The following PTPRD variants were observed in gnomAD, a reference collection of about 807,000 sequenced individuals.
PTPRD encodes the protein protein tyrosine phosphatase receptor type D, also known as receptor-type tyrosine-protein phosphatase delta.
PTPRD carries 34 observed loss-of-function variants against 214.5 expected under a neutral mutation model. That is an observed-to-expected ratio of 0.16 (90% CI 0.12 to 0.21). PTPRD has a LOEUF of 0.21. Among genes scored for constraint, PTPRD ranks in the 10% least tolerant of loss-of-function variants. PTPRD has a pLI of 1.00. For synonymous variants in PTPRD, 1,128 were observed against 845.7 expected, an observed-to-expected ratio of 1.33 and a Z score of -5.79; for missense variants, 2,545 against 2,398.7, an observed-to-expected ratio of 1.06 and a Z score of -1.27.
intron 3 of PTPRD, among the ~76,000 whole-genome samples, chr9:10,114,007 A>T (rs2098711547): frequency 6.6e-6 from 1 of 152,236 alleles, no homozygotes; most frequent in Admixed American, 6.5e-5. Context: ...TGAAAGGACA[A>T]GGACAGTTAT....
chr9:9,963,145 T>C, intron 4 of PTPRD, among the ~76,000 whole-genome samples: 1 of 152,134 alleles, frequency 6.6e-6, no homozygotes, highest in East Asian at 1.9e-4. Flanking sequence ...TAATGTCTTC[T>C]TCCATTTTAA....
intron 11 of PTPRD, among the ~76,000 whole-genome samples, chr9:8,767,357 T>C (rs1284759434): frequency 6.6e-6 from 1 of 152,118 alleles, no homozygotes; most frequent in Non-Finnish European, 1.5e-5. Flanking sequence ...CCTCAAGTGA[T>C]CCACCCGCCT....
chr9:9,050,186 A>G (rs1319585925), intron 10 of PTPRD, among the ~76,000 whole-genome samples: 1 of 152,260 alleles, frequency 6.6e-6, no homozygotes, highest in Non-Finnish European at 1.5e-5. Flanking sequence ...ATGACAAAAT[A>G]CATTAGAATA....
chr9:8,446,549 G>T (rs2095736285), intron 34 of PTPRD, among the ~76,000 whole-genome samples: 1 of 152,072 alleles, frequency 6.6e-6, no homozygotes. Context: ...ACTAGGTACT[G>T]GTTATATAAA....
At chr9:9,931,519 G>A (rs569737482) in intron 5 of PTPRD, among the ~76,000 whole-genome samples, 29 of 152,274 alleles carry the variant, frequency 1.9e-4, no homozygotes, top group African/African-American at 2.4e-4. Flanking sequence ...CTTTTCCGAC[G>A]GGCTTAAAAA....
chr9:10,529,915 G>A lies in PTPRD; in HGVS notation c.-600+82483C>T, dbSNP rs192726217. ...ACTGGGGCCTGTCTTGGGGTGGGGGGCAAGAGAAGGGAGAGCATTAAGACA... is the reference window on the plus strand; with the variant it reads ...ACTGGGGCCTGTCTTGGGGTGGGGGACAAGAGAAGGGAGAGCATTAAGACA... On this transcript the variant is annotated intron_variant, in intron 2 of 45. Coordinates refer to ENST00000381196, the MANE Select transcript of PTPRD (RefSeq NM_002839.4). 2.6e-5 allele frequency among the ~76,000 whole-genome samples: 4 copies of A among 151,786 alleles called. No homozygotes were observed. The South Asian group carries it at 8.3e-4, about 32-fold the overall frequency.
intron 36 of PTPRD, among the ~76,000 whole-genome samples, chr9:8,390,990 AAGTTT>A (rs1316280286): frequency 6.6e-6 from 1 of 152,182 alleles, no homozygotes; most frequent in East Asian, 1.9e-4. Flanking sequence ...AAAGGGAGTT[AAGTTT>A]CCTTGGAAGG....
intron 7 of PTPRD, among the ~76,000 whole-genome samples, chr9:9,712,237 G>T (rs796457472): frequency 2.6e-5 from 4 of 151,978 alleles, no homozygotes; most frequent in African/African-American, 9.7e-5. Context: ...GACTGAGAAA[G>T]AAAATAATAA....
intron 5 of PTPRD, among the ~76,000 whole-genome samples, chr9:9,870,645 A>T (rs73400645): frequency 6.6e-6 from 1 of 152,054 alleles, no homozygotes; most frequent in African/African-American, 2.4e-5. Context: ...CTTGGTTTTG[A>T]TAATGCTATT....
At chr9:9,415,796 C>G (rs555324251) in intron 8 of PTPRD, among the ~76,000 whole-genome samples, 1 of 152,196 alleles carries the variant, frequency 6.6e-6, no homozygotes, top group African/African-American at 2.4e-5. Context: ...GTGAAAGATA[C>G]AAGTGTTTAG....
At chr9:8,793,695 A>T (rs531578693) in intron 11 of PTPRD, among the ~76,000 whole-genome samples, 11 of 152,346 alleles carry the variant, frequency 7.2e-5, no homozygotes, top group African/African-American at 2.4e-4. Context: ...TCTGTTAGAC[A>T]TCATTTTTAA....
chr9:8,520,682 T>C (rs1188373934), intron 20 of PTPRD, among the ~76,000 whole-genome samples: 1 of 152,136 alleles, frequency 6.6e-6, no homozygotes, highest in Admixed American at 6.6e-5. Flanking sequence ...TATAGTACTT[T>C]GGTTATATTT....
intron 35 of PTPRD, among the ~76,000 whole-genome samples, chr9:8,408,208 A>AGG (rs1420348848): frequency 3.5e-4 from 54 of 152,346 alleles, no homozygotes; most frequent in African/African-American, 1.3e-3. Context: ...ATTTTCGGTC[A>AGG]GTCCACCCTG....
chr9:10,519,257 C>CTAAA, intron 2 of PTPRD, among the ~76,000 whole-genome samples: 1 of 71,442 alleles, frequency 1.4e-5, no homozygotes, highest in Non-Finnish European at 2.4e-5. Context: ...ATTTCCTCCA[C>CTAAA]AAAAAAAAAA....
At chr9:10,184,034 A>T (rs1011052283) in intron 3 of PTPRD, among the ~76,000 whole-genome samples, 1 of 152,192 alleles carries the variant, frequency 6.6e-6, no homozygotes, top group Non-Finnish European at 1.5e-5. Context: ...CTTAGATCTA[A>T]AGGTATTTTT....
At chr9:9,059,573 C>T (rs954015442) in intron 10 of PTPRD, among the ~76,000 whole-genome samples, 3 of 152,094 alleles carry the variant, frequency 2.0e-5, no homozygotes, top group Non-Finnish European at 2.9e-5. Context: ...TCCAGTGCTG[C>T]TGAAACCATT....
At chr9:8,652,473 T>A (rs1299741562) in intron 12 of PTPRD, among the ~76,000 whole-genome samples, 2 of 152,188 alleles carry the variant, frequency 1.3e-5, no homozygotes, top group Non-Finnish European at 2.9e-5. Flanking sequence ...TTAGAACACA[T>A]TTGCAGATAC....
At position 9,886,404 on chromosome 9, in the gene PTPRD, T is replaced by G. The variant is rs143703055; in HGVS notation, c.-368+52103A>C. Among the ~76,000 whole-genome samples the G allele has an allele frequency of 7.2e-5, 11 of 152,186 alleles. No individual in the cohort carries two copies. In the East Asian group the frequency reaches 1.9e-3, roughly 27 times the overall value. ...ACATGTGGACATAATATAAAGGATATTAGACCTTGAGCCCGAAACTATTGC... is the reference window on the plus strand; with the variant it reads ...ACATGTGGACATAATATAAAGGATAGTAGACCTTGAGCCCGAAACTATTGC... On this transcript the variant is annotated intron_variant, in intron 5 of 45. Coordinates refer to ENST00000381196, the MANE Select transcript of PTPRD (RefSeq NM_002839.4).
chr9:10,075,884 T>C (rs2098125052), intron 3 of PTPRD, among the ~76,000 whole-genome samples: 1 of 152,148 alleles, frequency 6.6e-6, no homozygotes, highest in African/African-American at 2.4e-5. Context: ...TATAACGATA[T>C]GTTATGAATA....
Sources: gnomAD v4.1 joint callset for allele counts (sites outside exome capture counted in the v4.1 genomes callset) on GRCh38, gnomAD v4.1.1 for gene constraint, MANE v1.5 for transcripts, NCBI Gene and HGNC (gene_info 2026-07-23, HGNC 2026-07-21) for gene names.